Variants in TRPM7 observed in about 807,000 individuals in gnomAD.
TRPM7 encodes the protein transient receptor potential cation channel subfamily M member 7.
Under a neutral mutation model 229.7 loss-of-function variants are expected in TRPM7, and 134 were observed. The ratio of observed to expected loss-of-function variants is 0.58; its 90% CI spans 0.51 to 0.67. The LOEUF is 0.67. Among genes scored for constraint, TRPM7 ranks in the 30% least tolerant of loss-of-function variants. The probability of loss-of-function intolerance (pLI) is 0.00; values close to 1 mark genes in which losing one functional copy is unlikely to be tolerated. For synonymous variants in TRPM7, 699 were observed against 715.2 expected (o/e 0.98, Z 0.36); for missense variants, 1,901 against 2,210.0 (o/e 0.86, Z 2.80).
At position 50,561,751 on chromosome 15, in the gene TRPM7, G is replaced by A; in HGVS notation, c.5525C>T (p.Ser1842Leu). ...ATTTCCAGGCTGAAGATTCAAATCT[G>A]AAGGCTCATCCTGAGGAAATATAAT... ...DKIIFPQDEP[S>L]DLNLQPGNST... is the part of the protein sequence containing the mutation. Residue 1842 changes from serine to leucine, a missense_variant, in exon 39 of 39, where the codon TCA becomes TTA. Around this residue, in one of 8 missense-constraint regions of TRPM7, gnomAD observed 257 missense variants for 352.0 expected, o/e 0.73. Transcript: ENST00000646667. The A allele has an allele frequency of 6.2e-7, 1 of 1,612,872 alleles. No individual in the cohort carries two copies. The highest frequency in any genetic ancestry group is 1.1e-5 in the South Asian group (1 of 90,984).
Position 50,570,107 on chromosome 15 carries a change from T to C in TRPM7, c.5357A>G (p.Lys1786Arg). Residue 1786 changes from lysine (K) to arginine (R), a missense_variant, in exon 37 of 39, where the codon AAG (lysine) becomes AGG (arginine). Transcript: ENST00000646667. The part of the protein sequence containing the change: ...TDPSVIKAEE[K>R]RSCDMVFGPA... ...TGAAATAGTTAAAACTTATTACCTCTTTTCTTCTGCTTTTATCACAGATGG... is the reference window on the plus strand; with the variant it reads ...TGAAATAGTTAAAACTTATTACCTCCTTTCTTCTGCTTTTATCACAGATGG... 1 of 1,610,614 alleles carries C rather than the reference T, an allele frequency of 6.2e-7. No individual in the cohort carries two copies. Among genetic ancestry groups the C allele is most frequent in the Non-Finnish European group, 8.5e-7 (1 of 1,178,480 alleles).
chr15:50,588,183 G>C (rs1421944812), intron 27 of TRPM7: 2 of 980,078 alleles, frequency 2.0e-6, no homozygotes, highest in Non-Finnish European at 2.4e-6. Context: ...ATACTAAAGA[G>C]ACTTTACCTC....
chr15:50,654,455 A>T (rs926758530), intron 3 of TRPM7, among the ~76,000 whole-genome samples: 3 of 151,366 alleles, frequency 2.0e-5, no homozygotes, highest in African/African-American at 7.3e-5. Flanking sequence ...TCAAAAAAAT[A>T]AAAAAATACT....
intron 21 of TRPM7, among the ~76,000 whole-genome samples, chr15:50,603,719 A>T (rs986442410): frequency 7.2e-5 from 11 of 152,124 alleles, no homozygotes; most frequent in Non-Finnish European, 1.5e-4. Flanking sequence ...TCATTGATGG[A>T]CATTTGGGTT....
At chr15:50,684,436 T>C (rs1482544920) in intron 1 of TRPM7, among the ~76,000 whole-genome samples, 1 of 150,548 alleles carries the variant, frequency 6.6e-6, no homozygotes, top group Non-Finnish European at 1.5e-5. Flanking sequence ...ACATCAGGAG[T>C]TCAAGACCAC....
intron 1 of TRPM7, among the ~76,000 whole-genome samples, chr15:50,664,355 C>T (rs2061826182): frequency 6.7e-6 from 1 of 150,022 alleles, no homozygotes; most frequent in Admixed American, 6.6e-5. Context: ...AAATAAAACC[C>T]AGCTACATTC....
chr15:50,654,610 G>C (rs1366742452), intron 3 of TRPM7, among the ~76,000 whole-genome samples: 1 of 151,446 alleles, frequency 6.6e-6, no homozygotes. Context: ...GTCATAATGA[G>C]AGTGCACATG....
intron 1 of TRPM7, among the ~76,000 whole-genome samples, chr15:50,669,582 T>C (rs2061947463): frequency 6.6e-6 from 1 of 152,170 alleles, no homozygotes; most frequent in South Asian, 2.1e-4. Flanking sequence ...TCTGGCCAAG[T>C]ATAACAAAGC....
chr15:50,643,890 G>C (rs1157273594), intron 4 of TRPM7, among the ~76,000 whole-genome samples: 1 of 152,024 alleles, frequency 6.6e-6, no homozygotes, highest in African/African-American at 2.4e-5. Context: ...TACACAGTGA[G>C]TTAGAAACAT....
intron 2 of TRPM7, among the ~76,000 whole-genome samples, chr15:50,659,180 G>A (rs1271348030): frequency 6.8e-5 from 10 of 147,668 alleles, no homozygotes; most frequent in African/African-American, 2.0e-4. Flanking sequence ...ATGACAGAGC[G>A]AGACTCCGTC....
At chr15:50,614,965 T>C (rs1157069022) in intron 13 of TRPM7, among the ~76,000 whole-genome samples, 1 of 151,310 alleles carries the variant, frequency 6.6e-6, no homozygotes, top group African/African-American at 2.4e-5. Context: ...AGGTTGGGAG[T>C]TCGAGACCAG....
At chr15:50,583,624 T>C (rs1166698019) in intron 28 of TRPM7, among the ~76,000 whole-genome samples, 1 of 150,280 alleles carries the variant, frequency 6.7e-6, no homozygotes, top group Non-Finnish European at 1.5e-5. Flanking sequence ...TTGCCCAGGC[T>C]GGAGAGCAGT....
rs1268986412 is a variant in TRPM7, at chr15:50,593,648, T to C, written c.3577A>G (p.Ser1193Gly). ...AAAGTGACACGAATTCTCTCTTCAC[T>C]CCCAGAATGAAATTTGTCATCTTTT... ...NEKDDKFHSG[S>G]EERIRVTFER... Residue 1193 changes from serine (S) to glycine (G), a missense_variant, in exon 25 of 39, where the codon AGT (serine) becomes GGT (glycine). Physicochemically the swap from Ser to Gly is moderately conservative, Grantham distance 56. Around this residue, in one of 8 missense-constraint regions of TRPM7, gnomAD observed 533 missense variants for 497.1 expected, o/e 1.07. Coordinates refer to ENST00000646667, the MANE Select transcript of TRPM7 (RefSeq NM_017672.6). 12 of 1,612,136 alleles carry C rather than the reference T, an allele frequency of 7.4e-6. No homozygotes were observed. In the South Asian group the frequency reaches 1.3e-4, roughly 18 times the overall value.
intron 9 of TRPM7, among the ~76,000 whole-genome samples, chr15:50,632,185 C>T (rs1452465789): frequency 1.3e-5 from 2 of 151,702 alleles, no homozygotes; most frequent in African/African-American, 4.8e-5. Flanking sequence ...TGCCTGTAGT[C>T]GGGAGGCTGA....
chr15:50,609,228 C>G (rs1006400986), intron 19 of TRPM7, among the ~76,000 whole-genome samples: 2 of 152,152 alleles, frequency 1.3e-5, no homozygotes, highest in African/African-American at 4.8e-5. Context: ...TATGTATCAT[C>G]TGCAAAATCC....
intron 13 of TRPM7, among the ~76,000 whole-genome samples, chr15:50,619,406 G>C (rs754980492): frequency 8.6e-5 from 13 of 151,788 alleles, no homozygotes; most frequent in Non-Finnish European, 1.5e-5. Flanking sequence ...ACTTTTCGTA[G>C]CGATGGGATT....
chr15:50,582,333 A>T (rs189740087), intron 29 of TRPM7: 2 of 152,040 alleles, frequency 1.3e-5, no homozygotes, highest in East Asian at 3.9e-4. Flanking sequence ...TTCTTTTCTC[A>T]TGTTTTATAT....
At chr15:50,682,328 T>C (rs2062260351) in intron 1 of TRPM7, among the ~76,000 whole-genome samples, 1 of 151,518 alleles carries the variant, frequency 6.6e-6, no homozygotes, top group South Asian at 2.1e-4. Flanking sequence ...AAATACACAG[T>C]CCCAGAAAAA....
At chr15:50,649,634 G>C (rs1172730337) in intron 3 of TRPM7, among the ~76,000 whole-genome samples, 3 of 152,124 alleles carry the variant, frequency 2.0e-5, no homozygotes, top group Non-Finnish European at 4.4e-5. Flanking sequence ...AATCTATATA[G>C]TGACAAAAGG....
Sources: gnomAD v4.1 joint callset for allele counts (sites outside exome capture counted in the v4.1 genomes callset) on GRCh38, gnomAD v4.1.1 for gene constraint, gnomAD v4.1.1 regional missense constraint, MANE v1.5 for transcripts, NCBI Gene and HGNC (gene_info 2026-07-23, HGNC 2026-07-21) for gene names.